Variants in PDE8B observed in about 807,000 individuals in gnomAD.
The protein encoded by PDE8B is high affinity cAMP-specific and IBMX-insensitive 3',5'-cyclic phosphodiesterase 8B.
Under a neutral mutation model 101.3 loss-of-function variants are expected in PDE8B, and 26 were observed. That is an observed-to-expected ratio of 0.26 (90% CI 0.19 to 0.36). The LOEUF (loss-of-function observed/expected upper bound fraction) is 0.36, where lower values mean the gene tolerates loss of function less well. PDE8B is among the 10% of genes least tolerant of loss of function. PDE8B has a pLI of 1.00. For synonymous variants in PDE8B, 424 were observed against 429.3 expected (o/e 0.99, Z 0.15); for missense variants, 810 against 1,163.1 (o/e 0.70, Z 4.42).
chr5:77,178,848 C>A, the PDE8B span, among the ~76,000 whole-genome samples: 7 of 152,162 alleles, frequency 4.6e-5, no homozygotes, highest in Admixed American at 2.6e-4. Flanking sequence ...TTTGTTGGAC[C>A]GAGGGCCCTT....
At chr5:77,302,899 T>C (rs963426908) in intron 1 of PDE8B, among the ~76,000 whole-genome samples, 1 of 152,178 alleles carries the variant, frequency 6.6e-6, no homozygotes, top group Non-Finnish European at 1.5e-5. Context: ...TTTTGTCTTA[T>C]TGAGGCACAG....
intron 1 of PDE8B, chr5:77,291,551 A>G: frequency 1.2e-6 from 2 of 1,601,926 alleles, no homozygotes; most frequent in Non-Finnish European, 1.7e-6. Context: ...AGAGACTTTC[A>G]AGTAGCAACT....
intron 10 of PDE8B, among the ~76,000 whole-genome samples, chr5:77,364,737 G>A (rs1783802264): frequency 6.6e-6 from 1 of 152,018 alleles, no homozygotes; most frequent in Admixed American, 6.6e-5. Flanking sequence ...TGTACTCGAG[G>A]GTCTGGGGAG....
chr5:77,318,711 A>G (rs1774377876), intron 2 of PDE8B, among the ~76,000 whole-genome samples: 2 of 152,186 alleles, frequency 1.3e-5, no homozygotes, highest in African/African-American at 2.4e-5. Context: ...TTTCAGCTCA[A>G]ATGACCACTC....
chr5:77,118,294 T>C, the PDE8B span: 4 of 398,292 alleles, frequency 1.0e-5, no homozygotes, highest in Non-Finnish European at 1.8e-5. Flanking sequence ...AAATTTTAAG[T>C]TTTATTGTTG....
At chr5:77,324,876 A>T (rs1292969059) in intron 2 of PDE8B, among the ~76,000 whole-genome samples, 2 of 152,222 alleles carry the variant, frequency 1.3e-5, no homozygotes, top group African/African-American at 4.8e-5. Flanking sequence ...TACTTATTTA[A>T]AAACAAAGCT....
At chr5:77,420,459 G>A (rs2151178092) in intron 19 of PDE8B, among the ~76,000 whole-genome samples, 1 of 151,782 alleles carries the variant, frequency 6.6e-6, no homozygotes, top group South Asian at 2.1e-4. Flanking sequence ...CACCTAATAA[G>A]ATCCACTGTT....
chr5:77,284,895 G>A (rs1385772956), intron 1 of PDE8B, among the ~76,000 whole-genome samples: 1 of 152,072 alleles, frequency 6.6e-6, no homozygotes, highest in Non-Finnish European at 1.5e-5. Context: ...GTTTCCATTT[G>A]GAGCTGTCAT....
chr5:77,148,527 C>G, the PDE8B span: 1 of 152,214 alleles, frequency 6.6e-6, no homozygotes, highest in Non-Finnish European at 1.5e-5. Context: ...TTCCCACATC[C>G]TCACCAACAT....
At chr5:77,258,951 C>T (rs373293070) in intron 1 of PDE8B, among the ~76,000 whole-genome samples, 1 of 151,412 alleles carries the variant, frequency 6.6e-6, no homozygotes, top group East Asian at 2.0e-4. Flanking sequence ...TTCTGAGGGT[C>T]TTCTAACTCT....
chr5:77,392,723 A>G (rs746294072), intron 10 of PDE8B, among the ~76,000 whole-genome samples: 13 of 152,132 alleles, frequency 8.5e-5, no homozygotes, highest in Non-Finnish European at 1.5e-4. Flanking sequence ...TTCCTCTTCT[A>G]TGATGGTCTC....
chr5:77,218,820 G>T (rs188548385), intron 1 of PDE8B, among the ~76,000 whole-genome samples: 7 of 152,080 alleles, frequency 4.6e-5, no homozygotes, highest in African/African-American at 1.4e-4. Context: ...TTACTCTTTG[G>T]GTAATCAAAA....
chr5:77,123,438 A>G, the PDE8B span, among the ~76,000 whole-genome samples: 1 of 150,248 alleles, frequency 6.7e-6, no homozygotes, highest in African/African-American at 2.4e-5. Context: ...CACTCAAACC[A>G]TAGCATTACT....
rs966758428 is a variant in PDE8B, at chr5:77,389,025, C to T, written c.1168-11223C>T. Among the ~76,000 whole-genome samples, 15 of 152,226 alleles carry T rather than the reference C, an allele frequency of 9.9e-5. No individual in the cohort carries two copies. In the South Asian group the frequency reaches 1.5e-3, roughly 15 times the overall value. On this transcript the variant is annotated intron_variant, in intron 10 of 21. Transcript: ENST00000264917. Reference sequence around the variant, plus strand: ...TTCTGGGCTCTGTGGAGGTGGGACCCGCTGAGCCAGACCACTTGGCTCCCT... The same window carrying T: ...TTCTGGGCTCTGTGGAGGTGGGACCTGCTGAGCCAGACCACTTGGCTCCCT...
chr5:77,421,290 A>T (rs549126291), intron 19 of PDE8B, among the ~76,000 whole-genome samples: 50 of 152,276 alleles, frequency 3.3e-4, no homozygotes, highest in Non-Finnish European at 6.3e-4. Context: ...AGTGCGAGAG[A>T]GTTGGGTGAG....
chr5:77,255,105 C>G (rs771410732), intron 1 of PDE8B, among the ~76,000 whole-genome samples: 1 of 152,192 alleles, frequency 6.6e-6, no homozygotes, highest in Non-Finnish European at 1.5e-5. Context: ...GGCAACTTTT[C>G]AGCCCCTTCT....
At chr5:77,392,193 A>T (rs1790088390) in intron 10 of PDE8B, among the ~76,000 whole-genome samples, 2 of 152,178 alleles carry the variant, frequency 1.3e-5, no homozygotes, top group Admixed American at 1.3e-4. Context: ...GTTTTATGTG[A>T]TGATTTTTCA....
chr5:77,412,629 A>G (rs1288203167), intron 16 of PDE8B, among the ~76,000 whole-genome samples: 1 of 151,848 alleles, frequency 6.6e-6, no homozygotes, highest in Non-Finnish European at 1.5e-5. Flanking sequence ...CTATACTAGG[A>G]GAAGGCTGTT....
At chr5:77,183,616 T>C in the PDE8B span, among the ~76,000 whole-genome samples, 1 of 152,244 alleles carries the variant, frequency 6.6e-6, no homozygotes, top group Non-Finnish European at 1.5e-5. Flanking sequence ...TGCATAGAGA[T>C]TTAAAAATCT....
Sources: gnomAD v4.1 joint callset for allele counts (sites outside exome capture counted in the v4.1 genomes callset) on GRCh38, gnomAD v4.1.1 for gene constraint, MANE v1.5 for transcripts, NCBI Gene and HGNC (gene_info 2026-07-23, HGNC 2026-07-21) for gene names.